TMEM132E: variants seen among roughly 807,000 people sequenced by gnomAD.
TMEM132E encodes the protein transmembrane protein 132E.
In TMEM132E, 49 loss-of-function variants were observed where a neutral mutation model predicts 78.5. That is an observed-to-expected ratio of 0.62 (90% CI 0.50 to 0.79). The LOEUF (loss-of-function observed/expected upper bound fraction) is 0.79, where lower values mean the gene tolerates loss of function less well. TMEM132E is among the 30% of genes least tolerant of loss of function. The pLI is 0.00. For missense variants in TMEM132E, 1,403 were observed against 1,470.9 expected (o/e 0.95, Z 0.75); for synonymous variants, 715 against 670.6 (o/e 1.07, Z -1.02).
intron 1 of TMEM132E, among the ~76,000 whole-genome samples, chr17:34,608,791 T>C (rs1906497675): frequency 6.6e-6 from 1 of 152,176 alleles, no homozygotes; most frequent in Non-Finnish European, 1.5e-5. Context: ...TTGAAGAAGA[T>C]ATCAATATCA....
chr17:34,604,671 C>T (rs1312762976), intron 1 of TMEM132E, among the ~76,000 whole-genome samples: 1 of 152,216 alleles, frequency 6.6e-6, no homozygotes, highest in Non-Finnish European at 1.5e-5. Context: ...CAGAAACCAA[C>T]TTTGACCTCT....
In TMEM132E at chr17:34,588,306, C is replaced by T. The variant is rs77286492; in HGVS notation, c.67+7163C>T. 2.9e-3 allele frequency among the ~76,000 whole-genome samples: 448 copies of T among 152,280 alleles called. 16 individuals carry two copies. The East Asian group carries it at 0.066, about 23-fold the overall frequency. The stretch of plus-strand genomic sequence containing the variant: ...CCACTGCAACTCATTGCAGATTTGC[C>T]GTGGTTTTAATTCTGCATTGCCTGG... On this transcript the variant is annotated intron_variant, in intron 1 of 8. Coordinates refer to ENST00000631683, the MANE Select transcript of TMEM132E (RefSeq NM_001304438.2).
At chr17:34,613,223 G>GCGCA (rs1567716049) in intron 1 of TMEM132E, among the ~76,000 whole-genome samples, 3 of 148,320 alleles carry the variant, frequency 2.0e-5, no homozygotes, top group Admixed American at 7.0e-5. Flanking sequence ...GCGCGCGCGC[G>GCGCA]CGCGTTCTTA....
chr17:34,607,729 A>G (rs545318545), intron 1 of TMEM132E, among the ~76,000 whole-genome samples: 2 of 151,920 alleles, frequency 1.3e-5, no homozygotes, highest in African/African-American at 2.4e-5. Context: ...ATTTACTGCT[A>G]TGGCTCAAAG....
rs957907590 is a variant in TMEM132E, at chr17:34,638,512, C to G, written c.*280C>G. The G allele has an allele frequency of 2.7e-6, 1 of 370,052 alleles. No individual in the cohort carries two copies. The allele number at this position is 370,052 out of a possible 1,614,324, so 22.9% of individuals were successfully genotyped here. ...AGCCTCTGTTCTGCCCTTTCCAAAC[C>G]TCCTCCCATCTTAAGCAACCCCCTG... is the stretch of plus-strand genomic sequence containing the variant. On this transcript the variant is annotated 3_prime_UTR_variant, in exon 9 of 9. Coordinates refer to ENST00000631683, the MANE Select transcript of TMEM132E (RefSeq NM_001304438.2).
At chr17:34,594,033 C>T (rs1372237559) in intron 1 of TMEM132E, among the ~76,000 whole-genome samples, 1 of 152,208 alleles carries the variant, frequency 6.6e-6, no homozygotes, top group Non-Finnish European at 1.5e-5. Flanking sequence ...TTTCAGGTCC[C>T]TCCCTGGTCC....
chr17:34,617,773 T>TA (rs905645129), intron 1 of TMEM132E, among the ~76,000 whole-genome samples: 2 of 152,142 alleles, frequency 1.3e-5, no homozygotes, highest in Admixed American at 6.5e-5. Flanking sequence ...ATTTCCTCTT[T>TA]AAAAAAAATT....
intron 1 of TMEM132E, among the ~76,000 whole-genome samples, chr17:34,593,862 C>A (rs909909221): frequency 1.3e-5 from 2 of 152,222 alleles, no homozygotes; most frequent in Non-Finnish European, 2.9e-5. Flanking sequence ...TCCCTTTTCC[C>A]GACACTACTT....
intron 1 of TMEM132E, among the ~76,000 whole-genome samples, chr17:34,606,860 C>T (rs1240137958): frequency 6.6e-6 from 1 of 152,220 alleles, no homozygotes; most frequent in East Asian, 1.9e-4. Context: ...CAAGGGCCCT[C>T]CTCTCCCCAC....
At position 34,580,334 on chromosome 17, in the gene TMEM132E, T is replaced by G. The variant is rs1050342431; in HGVS notation, c.-743T>G. ...GCAGGAGGCGCTGAGCCGGCCTGTGTGGAGCCTGGGCCCTGATCCAGACTG... is the reference window on the plus strand; with the variant it reads ...GCAGGAGGCGCTGAGCCGGCCTGTGGGGAGCCTGGGCCCTGATCCAGACTG... On this transcript the variant is annotated 5_prime_UTR_variant, in exon 1 of 9. Transcript: ENST00000631683. The G allele has an allele frequency of 6.6e-5, 10 of 152,396 alleles. No individual in the cohort carries two copies. The highest frequency in any genetic ancestry group is 2.4e-4 in the African/African-American group (10 of 41,462). 9.4% of individuals were successfully genotyped at this position (152,396 alleles called of 1,614,324 possible).
chr17:34,585,788 T>C (rs548769660), intron 1 of TMEM132E, among the ~76,000 whole-genome samples: 1 of 152,346 alleles, frequency 6.6e-6, no homozygotes, highest in South Asian at 2.1e-4. Context: ...CCAAGTGCTA[T>C]GAAAGAAATG....
chr17:34,624,843 T>C (rs1481904309), intron 1 of TMEM132E, among the ~76,000 whole-genome samples: 1 of 152,220 alleles, frequency 6.6e-6, no homozygotes, highest in Non-Finnish European at 1.5e-5. Flanking sequence ...TATAGAGTGC[T>C]TTCTTATTTG....
At chr17:34,609,246 C>A (rs1906513828) in intron 1 of TMEM132E, among the ~76,000 whole-genome samples, 1 of 152,114 alleles carries the variant, frequency 6.6e-6, no homozygotes, top group Non-Finnish European at 1.5e-5. Context: ...CTTTCCTGAA[C>A]CTTCCTCGCA....
chr17:34,603,813 C>T (rs1906319488), intron 1 of TMEM132E, among the ~76,000 whole-genome samples: 1 of 152,236 alleles, frequency 6.6e-6, no homozygotes, highest in Non-Finnish European at 1.5e-5. Flanking sequence ...CAGCCATACT[C>T]ACTGTCCCAG....
At chr17:34,611,654 C>A (rs1054202592) in intron 1 of TMEM132E, among the ~76,000 whole-genome samples, 1 of 152,176 alleles carries the variant, frequency 6.6e-6, no homozygotes, top group Non-Finnish European at 1.5e-5. Context: ...GGGGACGTCA[C>A]GTGCGAGCCA....
Position 34,637,842 on chromosome 17 carries a change from G to A in TMEM132E, c.2835G>A (p.Arg945=). 1 of 1,610,392 alleles carries A rather than the reference G, an allele frequency of 6.2e-7. No individual in the cohort carries two copies. The highest frequency in any genetic ancestry group is 8.5e-7 in the Non-Finnish European group (1 of 1,178,682). ...TCCTGGGCAACGGGCAGCCGCTGCG[G>A]GTGCAAGGAGAGCTGTCGCCGCCAG... is the stretch of plus-strand genomic sequence containing the variant. The part of the protein sequence containing the change: ...WVFLGNGQPL[R]VQGELSPPAG... Residue 945 remains arginine, a synonymous_variant, in exon 9 of 9, where the codon CGG becomes CGA. Transcript: ENST00000631683.
chr17:34,618,819 G>A (rs1906864510), intron 1 of TMEM132E, among the ~76,000 whole-genome samples: 2 of 152,180 alleles, frequency 1.3e-5, no homozygotes, highest in Non-Finnish European at 2.9e-5. Flanking sequence ...TTGGTATCAT[G>A]GGCTAATAAT....
At chr17:34,612,322 G>A (rs1906618455) in intron 1 of TMEM132E, among the ~76,000 whole-genome samples, 1 of 152,214 alleles carries the variant, frequency 6.6e-6, no homozygotes, top group African/African-American at 2.4e-5. Context: ...GCTGAGGAAA[G>A]CAGGCTCCTC....
intron 1 of TMEM132E, among the ~76,000 whole-genome samples, chr17:34,604,794 C>A (rs141949713): frequency 2.0e-5 from 3 of 152,366 alleles, no homozygotes; most frequent in Non-Finnish European, 4.4e-5. Flanking sequence ...TTATTAATAG[C>A]AACAGCTAAT....
Sources: allele counts gnomAD v4.1 joint callset (sites outside exome capture counted in the v4.1 genomes callset), GRCh38; gene constraint gnomAD v4.1.1; transcripts MANE v1.5; gene names NCBI Gene and HGNC (gene_info 2026-07-23, HGNC 2026-07-21).